GRID1: variants seen among roughly 807,000 people sequenced by gnomAD.
GRID1 encodes the protein glutamate receptor ionotropic, delta-1.
GRID1 carries 28 observed loss-of-function variants against 98.0 expected under a neutral mutation model. That is an observed-to-expected ratio of 0.29 (90% confidence interval 0.21 to 0.39). The LOEUF (loss-of-function observed/expected upper bound fraction) is 0.39. Ranked by LOEUF, GRID1 falls within the 10% of genes least tolerant of loss-of-function variation. The pLI, the probability that GRID1 is intolerant of heterozygous loss-of-function variation, is 1.00. For missense variants in GRID1, 1,111 were observed against 1,340.5 expected (o/e 0.83, Z 2.67); for synonymous variants, 553 against 538.5 (o/e 1.03, Z -0.37).
At chr10:85,740,160 G>C (rs895543247) in intron 8 of GRID1, among the ~76,000 whole-genome samples, 1 of 152,094 alleles carries the variant, frequency 6.6e-6, no homozygotes, top group Non-Finnish European at 1.5e-5. Context: ...TCCAGCAAAG[G>C]CATTCTCTAT....
chr10:85,687,039 A>G (rs7077240), intron 12 of GRID1, among the ~76,000 whole-genome samples: 11,826 of 152,250 alleles, frequency 0.078, 664 homozygotes, highest in African/African-American at 0.16. Context: ...TTATGTGTAT[A>G]ATAATCTTAT....
intron 13 of GRID1, among the ~76,000 whole-genome samples, chr10:85,635,349 T>C (rs1299875370): frequency 6.6e-6 from 1 of 152,074 alleles, no homozygotes; most frequent in Non-Finnish European, 1.5e-5. Flanking sequence ...ACTCAGTCAA[T>C]TGTATGGCAA....
At chr10:85,865,210 TAAAC>T (rs1339731077) in intron 6 of GRID1, among the ~76,000 whole-genome samples, 3 of 152,058 alleles carry the variant, frequency 2.0e-5, no homozygotes, top group Non-Finnish European at 4.4e-5. Context: ...TGGGGAAAAA[TAAAC>T]AACAGTGCTG....
At chr10:86,327,053 T>C (rs1182317774) in intron 2 of GRID1, among the ~76,000 whole-genome samples, 1 of 152,044 alleles carries the variant, frequency 6.6e-6, no homozygotes, top group African/African-American at 2.4e-5. Flanking sequence ...GGAGAATCAC[T>C]GGAACCCAGG....
intron 8 of GRID1, among the ~76,000 whole-genome samples, chr10:85,760,033 CT>C (rs1842132773): frequency 6.6e-6 from 1 of 152,194 alleles, no homozygotes; most frequent in Admixed American, 6.5e-5. Context: ...CCTAAGTCTT[CT>C]CAGTGGGGCT....
chr10:86,283,801 C>T (rs761114719), intron 2 of GRID1, among the ~76,000 whole-genome samples: 3 of 150,346 alleles, frequency 2.0e-5, no homozygotes, highest in Non-Finnish European at 4.4e-5. Flanking sequence ...CCCTAATACA[C>T]ACACCTGTAT....
chr10:85,996,537 T>C (rs1263103031), intron 4 of GRID1, among the ~76,000 whole-genome samples: 1 of 151,972 alleles, frequency 6.6e-6, no homozygotes, highest in Non-Finnish European at 1.5e-5. Context: ...AATGATTCAG[T>C]CAGAACAAGA....
chr10:86,336,996 C>T (rs1848231475), intron 2 of GRID1, among the ~76,000 whole-genome samples: 1 of 151,444 alleles, frequency 6.6e-6, no homozygotes, highest in Admixed American at 6.6e-5. Context: ...AGGCGCCCGC[C>T]ACCAGGATGG....
At chr10:85,632,678 G>T (rs2132536519) in intron 13 of GRID1, among the ~76,000 whole-genome samples, 1 of 151,838 alleles carries the variant, frequency 6.6e-6, no homozygotes, top group Middle Eastern at 3.4e-3. Context: ...CGAGTAGCTG[G>T]GACTACAGAC....
At chr10:86,103,449 G>A (rs1000824348) in intron 4 of GRID1, among the ~76,000 whole-genome samples, 3 of 152,160 alleles carry the variant, frequency 2.0e-5, no homozygotes, top group Admixed American at 1.3e-4. Context: ...TAGTGCCCAG[G>A]GCTAGATTCA....
At chr10:86,255,994 C>T (rs1044790688) in intron 2 of GRID1, among the ~76,000 whole-genome samples, 7 of 152,224 alleles carry the variant, frequency 4.6e-5, no homozygotes, top group Admixed American at 6.5e-5. Flanking sequence ...CAGGGTCATT[C>T]GGATCACAGC....
intron 4 of GRID1, among the ~76,000 whole-genome samples, chr10:86,103,926 A>G (rs1392987964): frequency 6.6e-6 from 1 of 152,000 alleles, no homozygotes. Context: ...TTGCCTCCCA[A>G]TCTCATTCAT....
chr10:85,681,834 C>T (rs1841212724), intron 12 of GRID1, among the ~76,000 whole-genome samples: 1 of 152,154 alleles, frequency 6.6e-6, no homozygotes, highest in Admixed American at 6.5e-5. Flanking sequence ...CCTCCCCAGA[C>T]ATGCTCAGCG....
chr10:85,743,246 A>G (rs1841964875), intron 8 of GRID1, among the ~76,000 whole-genome samples: 1 of 151,710 alleles, frequency 6.6e-6, no homozygotes, highest in African/African-American at 2.4e-5. Context: ...CAGCCTTCCA[A>G]TCACCTCTGC....
intron 3 of GRID1, among the ~76,000 whole-genome samples, chr10:86,172,825 T>C (rs1845513943): frequency 6.6e-6 from 1 of 151,818 alleles, no homozygotes; most frequent in Non-Finnish European, 1.5e-5. Context: ...AAGAAAAAAA[T>C]GCTATTATAT....
chr10:85,882,419 T>C (rs1466544776), intron 5 of GRID1, among the ~76,000 whole-genome samples: 5 of 152,160 alleles, frequency 3.3e-5, no homozygotes, highest in Non-Finnish European at 5.9e-5. Flanking sequence ...GTGGCACATA[T>C]ACACCATGGA....
At chr10:86,061,653 C>T (rs973084096) in intron 4 of GRID1, among the ~76,000 whole-genome samples, 24 of 152,164 alleles carry the variant, frequency 1.6e-4, no homozygotes, top group East Asian at 1.9e-4. Flanking sequence ...GCAGGACTCA[C>T]CTGCCTCCCT....
intron 2 of GRID1, among the ~76,000 whole-genome samples, chr10:86,224,838 G>A (rs1263013748): frequency 2.0e-5 from 3 of 152,112 alleles, no homozygotes; most frequent in African/African-American, 7.2e-5. Context: ...CCCCCAGGAA[G>A]CCCTTGAGAT....
chr10:85,916,306 C>A lies in GRID1; in HGVS notation c.727-67G>T. The stretch of plus-strand genomic sequence containing the variant: ...GAAGCTGGCAGACACAGGATGATTG[C>A]CGAGACAGAGTTTTATAAACATTGT... On this transcript the variant is annotated intron_variant, in intron 4 of 15. Transcript: ENST00000327946. The surrounding 1 kb of genome is among the most constrained non-coding windows in gnomAD (Gnocchi z 4.0). 1 of 1,137,504 alleles carries A rather than the reference C, an allele frequency of 8.8e-7. No individual in the cohort carries two copies. Among genetic ancestry groups the A allele is most frequent in the Non-Finnish European group, 1.3e-6 (1 of 748,566 alleles). 70.5% of individuals were successfully genotyped at this position (1,137,504 alleles called of 1,614,324 possible).
Sources: gnomAD v4.1 joint callset for allele counts (sites outside exome capture counted in the v4.1 genomes callset) on GRCh38, gnomAD v4.1.1 for gene constraint, Gnocchi (gnomAD v3.1) non-coding constraint, MANE v1.5 for transcripts, NCBI Gene and HGNC (gene_info 2026-07-23, HGNC 2026-07-21) for gene names.